GRM5: variants seen among roughly 807,000 people sequenced by gnomAD.
GRM5 encodes the protein metabotropic glutamate receptor 5.
In GRM5, 19 loss-of-function variants were observed where a neutral mutation model predicts 83.1. The observed-to-expected ratio is 0.23, with a 90% CI of 0.16 to 0.34. GRM5 has a LOEUF of 0.34. Ranked by LOEUF, GRM5 falls within the 10% of genes least tolerant of loss-of-function variation. The pLI is 1.00. For synonymous variants in GRM5, 675 were observed against 633.6 expected (o/e 1.07, Z -0.98); for missense variants, 1,160 against 1,588.3 (o/e 0.73, Z 4.58).
At chr11:88,510,287 G>A (rs998360924) in intron 9 of GRM5, among the ~76,000 whole-genome samples, 2 of 152,192 alleles carry the variant, frequency 1.3e-5, no homozygotes, top group African/African-American at 2.4e-5. Context: ...GGATCCTGGT[G>A]AATATTGAGG....
chr11:88,994,101 A>G (rs977116553), intron 2 of GRM5, among the ~76,000 whole-genome samples: 23 of 152,256 alleles, frequency 1.5e-4, no homozygotes, highest in Admixed American at 8.5e-4. Context: ...CCCAAAAAAA[A>G]TAAGAATATA....
intron 3 of GRM5, among the ~76,000 whole-genome samples, chr11:88,830,130 A>G (rs2135518694): frequency 6.6e-6 from 1 of 152,200 alleles, no homozygotes; most frequent in Non-Finnish European, 1.5e-5. Context: ...TAAAAAATAT[A>G]TATGCACTAG....
intron 2 of GRM5, among the ~76,000 whole-genome samples, chr11:88,866,493 T>C (rs1944668105): frequency 6.6e-6 from 1 of 151,940 alleles, no homozygotes; most frequent in Non-Finnish European, 1.5e-5. Context: ...ATGGCATGTG[T>C]ATACCTATGT....
intron 3 of GRM5, among the ~76,000 whole-genome samples, chr11:88,838,697 T>C (rs1590900156): frequency 6.6e-6 from 1 of 152,314 alleles, no homozygotes; most frequent in East Asian, 1.9e-4. Context: ...TGGCCTTACT[T>C]TAAAAATATC....
chr11:88,977,454 G>A (rs1038336977), intron 2 of GRM5, among the ~76,000 whole-genome samples: 6 of 152,012 alleles, frequency 3.9e-5, no homozygotes, highest in African/African-American at 7.2e-5. Context: ...CTTGTGATCC[G>A]CCCACCTCGG....
At chr11:88,926,391 A>G (rs1299053006) in intron 2 of GRM5, among the ~76,000 whole-genome samples, 1 of 152,188 alleles carries the variant, frequency 6.6e-6, no homozygotes, top group Non-Finnish European at 1.5e-5. Flanking sequence ...ATAAGTACTT[A>G]TTGCTTTAAA....
At chr11:88,841,048 A>G (rs1302767646) in intron 3 of GRM5, among the ~76,000 whole-genome samples, 1 of 151,892 alleles carries the variant, frequency 6.6e-6, no homozygotes, top group African/African-American at 2.4e-5. Flanking sequence ...TGTGTAGATA[A>G]GAAAAGTCAT....
At chr11:88,852,951 T>C (rs1951941788) in intron 2 of GRM5, among the ~76,000 whole-genome samples, 1 of 152,096 alleles carries the variant, frequency 6.6e-6, no homozygotes, top group Admixed American at 6.6e-5. Flanking sequence ...AGAACACATT[T>C]CAAGTAATAT....
At chr11:88,776,690 A>G (rs1208122268) in intron 3 of GRM5, among the ~76,000 whole-genome samples, 2 of 152,058 alleles carry the variant, frequency 1.3e-5, no homozygotes, top group African/African-American at 4.8e-5. Context: ...TTTCTCCTTC[A>G]CTTATGAAGC....
At chr11:88,549,675 G>A (rs1942460545) in intron 8 of GRM5, among the ~76,000 whole-genome samples, 1 of 151,954 alleles carries the variant, frequency 6.6e-6, no homozygotes, top group African/African-American at 2.4e-5. Flanking sequence ...CACTGGTGGT[G>A]GGGGCTCTAG....
chr11:88,712,107 C>A (rs1044548313), intron 3 of GRM5, among the ~76,000 whole-genome samples: 1 of 152,022 alleles, frequency 6.6e-6, no homozygotes, highest in African/African-American at 2.4e-5. Flanking sequence ...ACTTTCCTTG[C>A]AAGTCGAAAA....
intron 2 of GRM5, among the ~76,000 whole-genome samples, chr11:88,887,920 A>T (rs1945073476): frequency 6.6e-6 from 1 of 152,134 alleles, no homozygotes; most frequent in Non-Finnish European, 1.5e-5. Flanking sequence ...AAAGAGAATA[A>T]TTCCCCAAAA....
intron 8 of GRM5, among the ~76,000 whole-genome samples, chr11:88,528,301 G>A (rs905072539): frequency 2.2e-4 from 34 of 151,878 alleles, no homozygotes; most frequent in Non-Finnish European, 4.9e-4. Context: ...ATACAGAATG[G>A]GAAACTCATC....
At chr11:88,634,442 T>C (rs1203423427) in intron 4 of GRM5, among the ~76,000 whole-genome samples, 2 of 152,312 alleles carry the variant, frequency 1.3e-5, no homozygotes, top group East Asian at 3.9e-4. Context: ...TTTATATTCT[T>C]ATTCCATAAT....
chr11:88,882,273 A>AAATAAATAATG (rs1251655753), intron 2 of GRM5, among the ~76,000 whole-genome samples: 1 of 55,300 alleles, frequency 1.8e-5, no homozygotes, highest in Non-Finnish European at 3.4e-5. Context: ...AATAAATAAT[A>AAATAAATAATG]AAAAGAAAAA....
At position 88,567,513 on chromosome 11, in the gene GRM5, G is replaced by T. The variant is rs750745047; in HGVS notation, c.2170C>A (p.Pro724Thr). 2 of 1,612,674 alleles carry T rather than the reference G, an allele frequency of 1.2e-6. No individual in the cohort carries two copies. Among genetic ancestry groups the T allele is most frequent in the Non-Finnish European group, 1.7e-6 (2 of 1,178,696 alleles). Residue 724 changes from proline to threonine, a missense_variant, in exon 8 of 10, where the codon CCA becomes ACA. By Grantham distance (38) the Pro-to-Thr change is conservative. Coordinates refer to ENST00000305447, the MANE Select transcript of GRM5 (RefSeq NM_001143831.3). The surrounding 1 kb of genome is among the most constrained non-coding windows in gnomAD (Gnocchi z 7.3). ...MEPPDIMHDY[P>T]SIREVYLICN... ...ATCAGGTAGACTTCTCGAATGCTTG[G>T]GTAGTCATGCATTATGTCAGGAGGC...
chr11:88,936,745 T>C (rs574123858), intron 2 of GRM5, among the ~76,000 whole-genome samples: 1 of 151,866 alleles, frequency 6.6e-6, no homozygotes. Context: ...TTAACCCATT[T>C]ATTCATAAAC....
intron 4 of GRM5, among the ~76,000 whole-genome samples, chr11:88,651,757 G>T (rs1034693325): frequency 1.3e-5 from 2 of 152,022 alleles, no homozygotes; most frequent in African/African-American, 2.4e-5. Flanking sequence ...ATTGATGGGT[G>T]TATTATCCCA....
At chr11:88,719,962 TAG>T (rs1168677793) in intron 3 of GRM5, among the ~76,000 whole-genome samples, 3 of 152,114 alleles carry the variant, frequency 2.0e-5, no homozygotes, top group African/African-American at 7.2e-5. Flanking sequence ...TACTGGGTAT[TAG>T]ACCTTTGTCA....
Sources: allele counts gnomAD v4.1 joint callset (sites outside exome capture counted in the v4.1 genomes callset), GRCh38; gene constraint gnomAD v4.1.1; non-coding constraint Gnocchi (gnomAD v3.1); transcripts MANE v1.5; gene names NCBI Gene and HGNC (gene_info 2026-07-23, HGNC 2026-07-21).